The following PARP3 variants were observed in gnomAD, a reference collection of about 807,000 sequenced individuals.
The protein encoded by PARP3 is protein mono-ADP-ribosyltransferase PARP3.
In PARP3, 46 loss-of-function variants were observed where a neutral mutation model predicts 58.2. The ratio of observed to expected loss-of-function variants is 0.79; its 90% CI spans 0.62 to 1.01. The LOEUF (loss-of-function observed/expected upper bound fraction) is 1.01. PARP3 is among the 50% of genes least tolerant of loss of function. The pLI, the probability that PARP3 is intolerant of heterozygous loss-of-function variation, is 0.00. For missense variants in PARP3, 663 were observed against 683.9 expected, an observed-to-expected ratio of 0.97 and a Z score of 0.34; for synonymous variants, 252 against 266.4, an observed-to-expected ratio of 0.95 and a Z score of 0.53.
Position 51,946,368 on chromosome 3 carries a change from C to T in PARP3, c.1276+25C>T. 1 of 1,566,208 alleles carries T rather than the reference C, an allele frequency of 6.4e-7. No homozygotes were observed. Among genetic ancestry groups the T allele is most frequent in the Non-Finnish European group, 8.7e-7 (1 of 1,155,272 alleles). On this transcript the variant is annotated intron_variant, in intron 9 of 10. Coordinates refer to ENST00000398755, the MANE Select transcript of PARP3 (RefSeq NM_001003931.4). The surrounding 1 kb of genome is among the most constrained non-coding windows in gnomAD (Gnocchi z 4.6). ...GGTGAGGTGCCCCTCTGGGCCAAGC[C>T]CTGGGAGGGTTGGCACTAAGATGGA...
Position 51,945,592 on chromosome 3 carries a change from A to G in PARP3, c.959A>G (p.Gln320Arg), listed in dbSNP as rs753149799. Reference protein sequence around the residue: ...EVPHPLDRDYQLLKCQLQLLD... With the variant: ...EVPHPLDRDYRLLKCQLQLLD... Reference sequence around the variant, plus strand: ...CCACACCCCCTGGACCGAGACTACCAGCTTCTCAAGTGCCAGCTGCAGCTG... The same window carrying G: ...CCACACCCCCTGGACCGAGACTACCGGCTTCTCAAGTGCCAGCTGCAGCTG... Residue 320 changes from glutamine (Q) to arginine (R), a missense_variant, in exon 7 of 11, where the codon CAG becomes CGG. Physicochemically the swap from Gln to Arg is conservative, Grantham distance 43. Coordinates refer to ENST00000398755, the MANE Select transcript of PARP3 (RefSeq NM_001003931.4). 12 of 1,613,846 alleles carry G rather than the reference A, an allele frequency of 7.4e-6. No homozygotes were observed. Among genetic ancestry groups the G allele is most frequent in the Admixed American group, 5.0e-5 (3 of 60,010 alleles).
chr3:51,946,750 G>GA lies in PARP3; in HGVS notation c.1276+413dup, dbSNP rs1305462809. Among the ~76,000 whole-genome samples the GA allele has an allele frequency of 6.6e-6, 1 of 152,110 alleles. No individual in the cohort carries two copies. The highest frequency in any genetic ancestry group is 1.9e-4 in the East Asian group (1 of 5,186). On this transcript the variant is annotated intron_variant, in intron 9 of 10. Coordinates refer to ENST00000398755, the MANE Select transcript of PARP3 (RefSeq NM_001003931.4). The surrounding 1 kb of genome is among the most constrained non-coding windows in gnomAD (Gnocchi z 4.6). ...TGTGTGACAGAGCCAGACTCCATCT[G>GA]AAAAAATAAAAATAAAAAAGAGGAG... is the stretch of plus-strand genomic sequence containing the variant.
In PARP3 at chr3:51,948,426, C is replaced by T. The variant is rs1559749357; in HGVS notation, c.1548C>T (p.Leu516=). 2 of 1,614,178 alleles carry T rather than the reference C, an allele frequency of 1.2e-6. No homozygotes were observed. Among genetic ancestry groups the T allele is most frequent in the South Asian group, 1.1e-5 (1 of 91,084 alleles). ...SSSTFSQSEY[L]IYQESQCRLR... ...CCACATTCTCCCAGAGCGAGTACCT[C>T]ATCTACCAGGAGAGCCAGTGTCGCC... Residue 516 remains leucine (L), a synonymous_variant, in exon 11 of 11, where the codon CTC becomes CTT. Coordinates refer to ENST00000398755, the MANE Select transcript of PARP3 (RefSeq NM_001003931.4).
rs1032786058 is a variant in PARP3, at chr3:51,946,882, G to A, written c.1276+539G>A. Among the ~76,000 whole-genome samples, 6 of 152,352 alleles carry A rather than the reference G, an allele frequency of 3.9e-5. No individual in the cohort carries two copies. Among genetic ancestry groups the A allele is most frequent in the African/African-American group, 2.4e-5 (1 of 41,584 alleles). On this transcript the variant is annotated intron_variant, in intron 9 of 10. Transcript: ENST00000398755. The surrounding 1 kb of genome is among the most constrained non-coding windows in gnomAD (Gnocchi z 4.6). The stretch of plus-strand genomic sequence containing the variant: ...CTGGAGCTCAGAGCAATGCCTAGCC[G>A]GGGGCAGGGTGGGCTAGGGGCCCAG...
intron 1 of PARP3, 53 bp from the exon 2 acceptor site, chr3:51,943,301 T>C (rs768674031): frequency 1.4e-6 from 2 of 1,475,294 alleles, no homozygotes; most frequent in South Asian, 1.3e-5. Flanking sequence ...GAGTGGGTCG[T>C]TGGGGATGAG....
At chr3:51,943,108 G>A (rs1699583514) in intron 1 of PARP3, 2 of 1,190,848 alleles carry the variant, frequency 1.7e-6, no homozygotes, top group Non-Finnish European at 2.3e-6. Flanking sequence ...AGACTGGACA[G>A]AGTCCTAACC....
rs755676813 is a variant in PARP3, at chr3:51,945,918, G to T, written c.1077G>T (p.Trp359Cys). Reference protein sequence around the residue: ...NHRCPTLQHIWKVNQEGEEDR... With the variant: ...NHRCPTLQHICKVNQEGEEDR... ...GGTGCCCTACACTTCAACACATCTG[G>T]AAAGTAAACCAAGAAGGGGAGGTGA... Residue 359 changes from tryptophan (W) to cysteine (C), a missense_variant, in exon 8 of 11, where the codon TGG becomes TGT. By Grantham distance (215) the Trp-to-Cys change is radical. This residue lies in a region of PARP3 where 567 missense variants were observed against 553.6 expected (regional missense o/e 1.02). Coordinates refer to ENST00000398755, the MANE Select transcript of PARP3 (RefSeq NM_001003931.4). 8 of 1,614,074 alleles carry T rather than the reference G, an allele frequency of 5.0e-6. No individual in the cohort carries two copies. The South Asian group carries it at 7.7e-5, about 16-fold the overall frequency.
Position 51,944,040 on chromosome 3 carries a change from A to C in PARP3, c.184-49A>C, listed in dbSNP as rs1699609223. On this transcript the variant is annotated intron_variant, in intron 2 of 10. Transcript: ENST00000398755. This position sits in a 1 kb window ranked among gnomAD's most constrained non-coding sequence, Gnocchi z 4.2. Reference sequence around the variant, plus strand: ...GAGCCCTCTCGGTGTACGGCCAGGCACCCCATCTGACCCCAGCCAGCCTGC... The same window carrying C: ...GAGCCCTCTCGGTGTACGGCCAGGCCCCCCATCTGACCCCAGCCAGCCTGC... 1 of 1,582,836 alleles carries C rather than the reference A, an allele frequency of 6.3e-7. No individual in the cohort carries two copies. The highest frequency in any genetic ancestry group is 8.6e-7 in the Non-Finnish European group (1 of 1,161,838).
At chr3:51,943,234 C>A in intron 1 of PARP3, 120 bp from the exon 2 acceptor site, 1 of 1,145,082 alleles carries the variant, frequency 8.7e-7, no homozygotes, top group Non-Finnish European at 1.2e-6. Context: ...ACCGAAGGGC[C>A]AACCCGGGGT....
intron 1 of PARP3, chr3:51,943,015 C>T (rs1699581815): frequency 7.2e-7 from 1 of 1,398,584 alleles, no homozygotes; most frequent in East Asian, 2.7e-5. Context: ...AGAGAGCCTC[C>T]TTTCACTTTC....
Position 51,943,434 on chromosome 3 carries a change from G to T in PARP3, c.79G>T (p.Asp27Tyr). Residue 27 changes from aspartate to tyrosine, a missense_variant, in exon 2 of 11, where the codon GAC becomes TAC. Asp to Tyr is a radical substitution (Grantham distance 160). Coordinates refer to ENST00000398755, the MANE Select transcript of PARP3 (RefSeq NM_001003931.4). ...GGGCCGGCAGGCAGGAAGGGAGGAG[G>T]ACCCCTTCCGCTCCACCGCTGAGGC... ...KKGRQAGREE[D>Y]PFRSTAEALK... The T allele has an allele frequency of 1.9e-6, 3 of 1,606,996 alleles. No individual in the cohort carries two copies. Among genetic ancestry groups the T allele is most frequent in the Non-Finnish European group, 2.5e-6 (3 of 1,177,224 alleles).
Position 51,944,367 on chromosome 3 carries a change from C to G in PARP3, c.313-23C>G, listed in dbSNP as rs775174691. 1.9e-6 allele frequency: 3 copies of G among 1,612,540 alleles called. No homozygotes were observed. Among genetic ancestry groups the G allele is most frequent in the South Asian group, 1.1e-5 (1 of 90,932 alleles). Reference sequence around the variant, plus strand: ...CCAGCAAATGCTGATGGTGGGCATACCCCTGAAGGCTGTCGGTTGCAGGGA... The same window carrying G: ...CCAGCAAATGCTGATGGTGGGCATAGCCCTGAAGGCTGTCGGTTGCAGGGA... On this transcript the variant is annotated intron_variant, in intron 3 of 10. Coordinates refer to ENST00000398755, the MANE Select transcript of PARP3 (RefSeq NM_001003931.4). The surrounding 1 kb of genome is among the most constrained non-coding windows in gnomAD (Gnocchi z 4.2).
At position 51,948,494 on chromosome 3, in the gene PARP3, C is replaced by G. The variant is rs780881665; in HGVS notation, c.*14C>G. On this transcript the variant is annotated 3_prime_UTR_variant, in exon 11 of 11. Coordinates refer to ENST00000398755, the MANE Select transcript of PARP3 (RefSeq NM_001003931.4). ...GTCCACCTCTGAGTGCCCGCCCTGT[C>G]CCCCGGGGTCCTGCAAGGCTGGACT... The G allele has an allele frequency of 1.2e-6, 2 of 1,611,850 alleles. No homozygotes were observed. Among genetic ancestry groups the G allele is most frequent in the South Asian group, 1.1e-5 (1 of 90,866 alleles).
chr3:51,942,917 C>T, intron 1 of PARP3: 3 of 1,417,210 alleles, frequency 2.1e-6, no homozygotes, highest in Non-Finnish European at 2.8e-6. Flanking sequence ...CCTCTGCCCA[C>T]CCTCCCCCAT....
chr3:51,942,575 G>A lies in PARP3; in HGVS notation c.-136G>A. ...CACAAGCTCATCCCCGGCCTCTGGC[G>A]ATTGTTGGGAATTCTCTCCCTAATT... On this transcript the variant is annotated 5_prime_UTR_variant, in exon 1 of 11. Transcript: ENST00000398755. 1 of 735,924 alleles carries A rather than the reference G, an allele frequency of 1.4e-6. No homozygotes were observed. The highest frequency in any genetic ancestry group is 2.5e-6 in the Non-Finnish European group (1 of 401,834). The allele number at this position is 735,924 out of a possible 1,614,324, so 45.6% of individuals were successfully genotyped here. A position where few individuals can be genotyped will look rare whatever the true frequency, so the allele number is the denominator to read the frequency against.
chr3:51,947,303 G>C (rs1252292944), intron 9 of PARP3, among the ~76,000 whole-genome samples: 1 of 152,236 alleles, frequency 6.6e-6, no homozygotes, highest in Non-Finnish European at 1.5e-5. Flanking sequence ...CAGAACAGAT[G>C]GGGCTGAAGT....
rs1446732296 is a variant in PARP3 at position 51,944,991 on chromosome 3, C to G, written c.635-7C>G. On this transcript the variant is annotated splice_region_variant and splice_polypyrimidine_tract_variant and intron_variant, in intron 5 of 10. Transcript: ENST00000398755. The surrounding 1 kb of genome is among the most constrained non-coding windows in gnomAD (Gnocchi z 4.2). ...GGCTGAGTCTCCCCACTCCCCTGTC[C>G]CCCTAGATGTGAAGAAGATGCCCCT... 3 of 1,613,574 alleles carry G rather than the reference C, an allele frequency of 1.9e-6. No homozygotes were observed. In the South Asian group the frequency reaches 3.3e-5, roughly 18 times the overall value.
Position 51,947,888 on chromosome 3 carries a change from C to A in PARP3, c.1425C>A (p.Thr475=). ...ACAGTGTCATTGCCCGAGGCCACAC[C>A]GAGCCTGGTGAGTCCTCAGAAGCTG... ...GFDSVIARGH[T]EPDPTQDTEL... Residue 475 remains threonine (T), a synonymous_variant, in exon 10 of 11, where the codon ACC becomes ACA. Coordinates refer to ENST00000398755, the MANE Select transcript of PARP3 (RefSeq NM_001003931.4). 6.2e-7 allele frequency: 1 copy of A among 1,613,822 alleles called. No individual in the cohort carries two copies. Among genetic ancestry groups the A allele is most frequent in the Non-Finnish European group, 8.5e-7 (1 of 1,179,998 alleles).
chr3:51,948,213 C>T (rs1699725438), intron 10 of PARP3, 98 bp from the exon 11 acceptor site: 3 of 1,243,330 alleles, frequency 2.4e-6, no homozygotes, highest in South Asian at 2.9e-5. Context: ...AGCAGGCGTG[C>T]CCTGTGACAG....
Sources: allele counts gnomAD v4.1 joint callset (sites outside exome capture counted in the v4.1 genomes callset), GRCh38; gene constraint gnomAD v4.1.1; regional missense constraint gnomAD v4.1.1; non-coding constraint Gnocchi (gnomAD v3.1); transcripts MANE v1.5; gene names NCBI Gene and HGNC (gene_info 2026-07-23, HGNC 2026-07-21).